KIAA1549L: variants seen among roughly 807,000 people sequenced by gnomAD.
KIAA1549L encodes the protein UPF0606 protein KIAA1549L.
KIAA1549L carries 88 observed loss-of-function variants against 160.7 expected under a neutral mutation model. The ratio of observed to expected loss-of-function variants is 0.55; its 90% confidence interval spans 0.46 to 0.65. KIAA1549L has a LOEUF of 0.65. Among genes scored for constraint, KIAA1549L ranks in the 30% least tolerant of loss-of-function variants. KIAA1549L has a pLI of 0.00. For missense variants in KIAA1549L, 2,258 were observed against 2,437.5 expected (o/e 0.93, Z 1.55); for synonymous variants, 950 against 976.7 (o/e 0.97, Z 0.51).
intron 1 of KIAA1549L, among the ~76,000 whole-genome samples, chr11:33,477,318 A>C (rs1852308217): frequency 1.3e-5 from 2 of 152,318 alleles, no homozygotes; most frequent in African/African-American, 4.8e-5. Context: ...TGTCTCTGAT[A>C]CTTCAGAAAA....
rs183847769 is a variant in KIAA1549L, at chr11:33,590,598, A to C, written c.4567-639A>C. Among the ~76,000 whole-genome samples the C allele has an allele frequency of 2.6e-3, 389 of 152,356 alleles. 3 individuals carry two copies. Among genetic ancestry groups the C allele is most frequent in the Non-Finnish European group, 4.3e-3 (292 of 68,030 alleles). On this transcript the variant is annotated intron_variant, in intron 11 of 20. Transcript: ENST00000658780. ...GGAGAGCCAGCCTACTTAAGGGCGA[A>C]GTCTGGATTAAAGAGTGACTCCATA...
At chr11:33,384,533 TG>T (rs1384907703) in intron 1 of KIAA1549L, among the ~76,000 whole-genome samples, 3 of 152,238 alleles carry the variant, frequency 2.0e-5, no homozygotes, top group Non-Finnish European at 2.9e-5. Context: ...TCAAAGTAGC[TG>T]TACAGTTTTG....
intron 12 of KIAA1549L, among the ~76,000 whole-genome samples, chr11:33,593,569 G>A (rs184259285): frequency 1.4e-4 from 22 of 152,348 alleles, no homozygotes; most frequent in African/African-American, 3.8e-4. Context: ...GGTGAGAGAC[G>A]ATCGTGTCAT....
At chr11:33,602,106 A>G (rs919884177) in intron 13 of KIAA1549L, among the ~76,000 whole-genome samples, 1 of 152,224 alleles carries the variant, frequency 6.6e-6, no homozygotes, top group Non-Finnish European at 1.5e-5. Context: ...GAAGCAAACA[A>G]CCACCTGCCT....
intron 12 of KIAA1549L, among the ~76,000 whole-genome samples, chr11:33,592,957 AGGGGGC>A (rs1342812741): frequency 6.6e-6 from 1 of 152,206 alleles, no homozygotes; most frequent in African/African-American, 2.4e-5. Flanking sequence ...AGCAGGATCA[AGGGGGC>A]TGGCATGAAC....
At chr11:33,430,423 C>A (rs1851215079) in intron 1 of KIAA1549L, among the ~76,000 whole-genome samples, 1 of 152,266 alleles carries the variant, frequency 6.6e-6, no homozygotes, top group Admixed American at 6.5e-5. Flanking sequence ...AACATTTCAA[C>A]ATGTAGGGAA....
chr11:33,636,583 G>A (rs578101719), intron 16 of KIAA1549L, among the ~76,000 whole-genome samples: 2 of 152,044 alleles, frequency 1.3e-5, no homozygotes, highest in South Asian at 4.1e-4. Context: ...CACCAGCCTC[G>A]ACCTCCCAAA....
intron 1 of KIAA1549L, chr11:33,450,745 C>G (rs1465381027): frequency 1.3e-5 from 2 of 152,238 alleles, no homozygotes; most frequent in African/African-American, 2.4e-5. Flanking sequence ...CAGCTGCAAA[C>G]TCTCCCAGAG....
intron 13 of KIAA1549L, 51 bp downstream of exon 13, chr11:33,598,998 C>T (rs201694566): frequency 2.9e-4 from 461 of 1,603,022 alleles, no homozygotes; most frequent in Admixed American, 1.0e-4. Context: ...CACGCGTGCC[C>T]GCACACACAT....
intron 1 of KIAA1549L, among the ~76,000 whole-genome samples, chr11:33,442,896 C>T (rs1851538050): frequency 6.6e-6 from 1 of 152,004 alleles, no homozygotes; most frequent in Non-Finnish European, 1.5e-5. Context: ...TGGGTAATTT[C>T]TTTAGGTCCA....
chr11:33,604,692 A>G (rs1045667543), intron 13 of KIAA1549L, among the ~76,000 whole-genome samples: 1 of 152,252 alleles, frequency 6.6e-6, no homozygotes, highest in Non-Finnish European at 1.5e-5. Flanking sequence ...TAAGTGAAGT[A>G]ACTCAGGAAT....
intron 1 of KIAA1549L, among the ~76,000 whole-genome samples, chr11:33,537,117 T>A (rs1427753535): frequency 6.6e-6 from 1 of 152,270 alleles, no homozygotes; most frequent in Non-Finnish European, 1.5e-5. Context: ...GTACTCGTGA[T>A]GCCTCTTCCT....
chr11:33,599,772 TG>T (rs1453554609), intron 13 of KIAA1549L, among the ~76,000 whole-genome samples: 1 of 152,194 alleles, frequency 6.6e-6, no homozygotes, highest in Non-Finnish European at 1.5e-5. Flanking sequence ...GCTGGTTTAC[TG>T]GGGCCAGAAT....
intron 1 of KIAA1549L, among the ~76,000 whole-genome samples, chr11:33,492,086 G>T (rs2133068698): frequency 6.6e-6 from 1 of 152,166 alleles, no homozygotes; most frequent in East Asian, 1.9e-4. Context: ...AAATTTTGCT[G>T]CCAGTTGCGA....
intron 1 of KIAA1549L, among the ~76,000 whole-genome samples, chr11:33,408,730 G>A (rs1337265742): frequency 6.9e-6 from 1 of 145,420 alleles, no homozygotes; most frequent in East Asian, 2.0e-4. Flanking sequence ...GAGGCCCGGA[G>A]TCTGAGACCA....
chr11:33,578,261 G>A (rs1855521508), intron 10 of KIAA1549L, among the ~76,000 whole-genome samples: 1 of 152,112 alleles, frequency 6.6e-6, no homozygotes. Context: ...AGTCTGGGAG[G>A]TGAGGGATGG....
rs899744486 is a variant in KIAA1549L at position 33,421,696 on chromosome 11, G to A, written c.238+44807G>A. Among the ~76,000 whole-genome samples the A allele has an allele frequency of 7.9e-5, 12 of 152,182 alleles. No homozygotes were observed. In the East Asian group the frequency reaches 1.9e-3, roughly 24 times the overall value. ...TTCTCCATGTTTTGAGGAAGGAAGGGCTGAATAACAATAACATCAATAATA... is the reference window on the plus strand; with the variant it reads ...TTCTCCATGTTTTGAGGAAGGAAGGACTGAATAACAATAACATCAATAATA... On this transcript the variant is annotated intron_variant, in intron 1 of 20. Transcript: ENST00000658780.
At chr11:33,484,643 G>T (rs1852483142) in intron 1 of KIAA1549L, among the ~76,000 whole-genome samples, 1 of 152,042 alleles carries the variant, frequency 6.6e-6, no homozygotes, top group Non-Finnish European at 1.5e-5. Flanking sequence ...CTGGACGGAG[G>T]TGAGCATCCC....
intron 16 of KIAA1549L, among the ~76,000 whole-genome samples, chr11:33,618,936 C>T (rs905320652): frequency 1.3e-5 from 2 of 152,074 alleles, no homozygotes; most frequent in Non-Finnish European, 2.9e-5. Context: ...ATTCTAAATG[C>T]CCTTAATTTA....
Sources: gnomAD v4.1 joint callset for allele counts (sites outside exome capture counted in the v4.1 genomes callset) on GRCh38, gnomAD v4.1.1 for gene constraint, MANE v1.5 for transcripts, NCBI Gene and HGNC (gene_info 2026-07-23, HGNC 2026-07-21) for gene names.